CPED1: variants seen among roughly 807,000 people sequenced by gnomAD.
CPED1 encodes the protein cadherin like and PC-esterase domain containing 1, also known as cadherin-like and PC-esterase domain-containing protein 1.
A neutral mutation model predicts 128.2 loss-of-function variants in CPED1; 114 were observed. The ratio of observed to expected loss-of-function variants is 0.89; its 90% CI spans 0.76 to 1.04. The LOEUF (loss-of-function observed/expected upper bound fraction) is 1.04, where lower values mean the gene tolerates loss of function less well. Among genes scored for constraint, CPED1 ranks in the 50% least tolerant of loss-of-function variants. The pLI is 0.00. For synonymous variants in CPED1, 462 were observed against 426.7 expected (o/e 1.08, Z -1.02); for missense variants, 1,211 against 1,207.1 (o/e 1.00, Z -0.05).
intron 2 of CPED1, among the ~76,000 whole-genome samples, chr7:120,996,984 C>T (rs190088587): frequency 9.8e-5 from 15 of 152,354 alleles, no homozygotes; most frequent in Admixed American, 5.2e-4. Context: ...CTTATCTCTA[C>T]CCTGTCTCTA....
At chr7:121,042,122 T>G (rs1486689717) in intron 3 of CPED1, among the ~76,000 whole-genome samples, 1 of 23,122 alleles carries the variant, frequency 4.3e-5, no homozygotes, top group Non-Finnish European at 7.9e-5. Flanking sequence ...GAAATAATTT[T>G]AATTGTTAAA....
intron 3 of CPED1, among the ~76,000 whole-genome samples, chr7:121,042,663 A>G (rs557509374): frequency 6.6e-6 from 1 of 152,316 alleles, no homozygotes; most frequent in East Asian, 1.9e-4. Flanking sequence ...GAAGTTGGGC[A>G]AGTTATTTAA....
chr7:121,211,879 C>G (rs892419036), intron 16 of CPED1, among the ~76,000 whole-genome samples: 28 of 152,154 alleles, frequency 1.8e-4, no homozygotes, highest in Admixed American at 6.5e-4. Context: ...CAACAGCATT[C>G]AAGTTCAGGA....
intron 7 of CPED1, among the ~76,000 whole-genome samples, chr7:121,111,701 C>A (rs973974897): frequency 6.8e-6 from 1 of 146,230 alleles, no homozygotes; most frequent in South Asian, 2.1e-4. Context: ...GCATTCTAAG[C>A]ACTGAAAATA....
At chr7:121,001,024 T>A (rs1791840971) in intron 2 of CPED1, among the ~76,000 whole-genome samples, 1 of 152,178 alleles carries the variant, frequency 6.6e-6, no homozygotes, top group Non-Finnish European at 1.5e-5. Context: ...TAAGCTCTCA[T>A]CTCAAAAACA....
chr7:121,161,304 T>C (rs1796408000), intron 16 of CPED1, among the ~76,000 whole-genome samples: 1 of 152,166 alleles, frequency 6.6e-6, no homozygotes, highest in Non-Finnish European at 1.5e-5. Flanking sequence ...TACCTGCAAC[T>C]GGAGGGTTAA....
intron 22 of CPED1, among the ~76,000 whole-genome samples, chr7:121,287,529 G>T (rs993265970): frequency 1.3e-5 from 2 of 152,092 alleles, no homozygotes; most frequent in African/African-American, 4.8e-5. Flanking sequence ...TTCCCTGATG[G>T]TAGATTCAAA....
At chr7:121,163,119 T>C (rs1277250592) in intron 16 of CPED1, among the ~76,000 whole-genome samples, 1 of 152,214 alleles carries the variant, frequency 6.6e-6, no homozygotes, top group Non-Finnish European at 1.5e-5. Flanking sequence ...CTATGAAATA[T>C]CTACTTCCAG....
intron 16 of CPED1, among the ~76,000 whole-genome samples, chr7:121,155,735 C>T (rs1189841682): frequency 6.6e-6 from 1 of 152,106 alleles, no homozygotes; most frequent in Non-Finnish European, 1.5e-5. Flanking sequence ...AAATCTGAAA[C>T]CTGAAACTAT....
chr7:121,226,383 C>A (rs944440520), intron 16 of CPED1, among the ~76,000 whole-genome samples: 1 of 151,968 alleles, frequency 6.6e-6, no homozygotes, highest in Admixed American at 6.6e-5. Flanking sequence ...CGGAGCTGTT[C>A]CTGTTCAGCC....
At chr7:121,106,201 T>C (rs1439276022) in intron 7 of CPED1, among the ~76,000 whole-genome samples, 1 of 152,120 alleles carries the variant, frequency 6.6e-6, no homozygotes, top group Non-Finnish European at 1.5e-5. Flanking sequence ...GTATTATGGA[T>C]TTACATATTC....
chr7:121,238,732 A>C (rs1798318742), intron 17 of CPED1, among the ~76,000 whole-genome samples: 1 of 149,202 alleles, frequency 6.7e-6, no homozygotes, highest in African/African-American at 2.4e-5. Flanking sequence ...AATTGATAAA[A>C]TATATAAATA....
chr7:121,086,872 A>C (rs2968349), intron 5 of CPED1, among the ~76,000 whole-genome samples: 63,780 of 151,964 alleles, frequency 0.42, 13,895 homozygotes, highest in Middle Eastern at 0.57. Context: ...CTAATGGAAA[A>C]TTCATGCACT....
chr7:121,213,838 A>G (rs1471898105), intron 16 of CPED1, among the ~76,000 whole-genome samples: 5 of 152,078 alleles, frequency 3.3e-5, no homozygotes, highest in African/African-American at 4.8e-5. Context: ...ACCATGGTAC[A>G]TTTAGCATTC....
At chr7:121,291,145 C>T (rs1035899672) in intron 22 of CPED1, among the ~76,000 whole-genome samples, 11 of 152,332 alleles carry the variant, frequency 7.2e-5, no homozygotes, top group Admixed American at 1.3e-4. Context: ...GGCCTCTCCT[C>T]TGTTCCATTG....
chr7:121,068,248 G>T (rs185090816), intron 5 of CPED1, among the ~76,000 whole-genome samples: 1 of 152,254 alleles, frequency 6.6e-6, no homozygotes, highest in African/African-American at 2.4e-5. Flanking sequence ...ATGGTTTTAG[G>T]TCTAACATTT....
chr7:121,044,730 A>G (rs1313160507), intron 3 of CPED1, among the ~76,000 whole-genome samples: 1 of 128,938 alleles, frequency 7.8e-6, no homozygotes, highest in African/African-American at 2.8e-5. Context: ...TTATAAATTC[A>G]ATGCTTTGAA....
At chr7:121,225,969 G>A (rs534696618) in intron 16 of CPED1, among the ~76,000 whole-genome samples, 13 of 152,054 alleles carry the variant, frequency 8.5e-5, no homozygotes, top group East Asian at 1.9e-4. Flanking sequence ...ACCTTCTGAC[G>A]CCTACTTCTG....
intron 5 of CPED1, among the ~76,000 whole-genome samples, chr7:121,072,595 T>C (rs1363237620): frequency 6.6e-6 from 1 of 152,148 alleles, no homozygotes; most frequent in Non-Finnish European, 1.5e-5. Flanking sequence ...GGTTGAGATG[T>C]GGTTTATAAA....
Sources: gnomAD v4.1 joint callset for allele counts (sites outside exome capture counted in the v4.1 genomes callset) on GRCh38, gnomAD v4.1.1 for gene constraint, MANE v1.5 for transcripts, NCBI Gene and HGNC (gene_info 2026-07-23, HGNC 2026-07-21) for gene names.